Variants in CENPP observed in about 807,000 individuals in gnomAD.
CENPP encodes the protein centromere protein P.
A neutral mutation model predicts 35.6 loss-of-function variants in CENPP; 24 were observed. That is an observed-to-expected ratio of 0.67 (90% CI 0.49 to 0.95). CENPP has a LOEUF of 0.95. Among genes scored for constraint, CENPP ranks in the 40% least tolerant of loss-of-function variants. CENPP has a pLI of 0.00. For synonymous variants in CENPP, 120 were observed against 125.5 expected (o/e 0.96, Z 0.29); for missense variants, 332 against 345.3 (o/e 0.96, Z 0.31).
At chr9:92,569,074 A>G (rs1472873252) in intron 5 of CENPP, among the ~76,000 whole-genome samples, 1 of 152,022 alleles carries the variant, frequency 6.6e-6, no homozygotes, top group Admixed American at 6.6e-5. Context: ...GTGCAGAAGC[A>G]CTTTAGTTTA....
chr9:92,369,262 T>C (rs1354643696), intron 4 of CENPP, among the ~76,000 whole-genome samples: 1 of 152,006 alleles, frequency 6.6e-6, no homozygotes, highest in Non-Finnish European at 1.5e-5. Flanking sequence ...GAGCTTTTAT[T>C]GTGGTCTCCG....
intron 5 of CENPP, chr9:92,600,311 C>G (rs916407121): frequency 5.4e-6 from 8 of 1,489,222 alleles, no homozygotes; most frequent in Non-Finnish European, 7.1e-6. Context: ...ATTATTCATG[C>G]TTGCATTTGC....
chr9:92,439,669 ATTTTATGGGATATCGCT>A (rs1209405787), intron 5 of CENPP, among the ~76,000 whole-genome samples: 1 of 152,082 alleles, frequency 6.6e-6, no homozygotes, highest in Non-Finnish European at 1.5e-5. Context: ...TCTTCCTATT[ATTTTATGGGATATCGCT>A]TTATATCTAG....
chr9:92,451,176 C>G (rs1844698017), intron 5 of CENPP, among the ~76,000 whole-genome samples: 1 of 148,760 alleles, frequency 6.7e-6, no homozygotes, highest in Admixed American at 6.7e-5. Context: ...TTGCCCATGC[C>G]TATGTCCTGA....
chr9:92,490,909 C>T (rs931938568), intron 5 of CENPP, among the ~76,000 whole-genome samples: 1 of 152,104 alleles, frequency 6.6e-6, no homozygotes, highest in Non-Finnish European at 1.5e-5. Flanking sequence ...TTAAATTTTG[C>T]AGGTTCCTTT....
At chr9:92,515,944 T>C (rs1847676989) in intron 5 of CENPP, among the ~76,000 whole-genome samples, 2 of 152,182 alleles carry the variant, frequency 1.3e-5, no homozygotes, top group Non-Finnish European at 2.9e-5. Flanking sequence ...AGACAGTTAA[T>C]CTACATTTAT....
intron 5 of CENPP, among the ~76,000 whole-genome samples, chr9:92,391,350 T>C (rs1423128255): frequency 3.9e-5 from 6 of 151,902 alleles, no homozygotes; most frequent in African/African-American, 1.2e-4. Context: ...GAGCTAGCAG[T>C]GAGCCGAGAT....
At chr9:92,562,097 G>A (rs1849860368) in intron 5 of CENPP, among the ~76,000 whole-genome samples, 1 of 152,150 alleles carries the variant, frequency 6.6e-6, no homozygotes, top group African/African-American at 2.4e-5. Flanking sequence ...ACAGATCACC[G>A]TGAAGGAGTG....
At chr9:92,463,642 C>A (rs1337357818) in intron 5 of CENPP, among the ~76,000 whole-genome samples, 2 of 152,174 alleles carry the variant, frequency 1.3e-5, no homozygotes, top group African/African-American at 4.8e-5. Context: ...TCCTTGTCTT[C>A]ACTCTCCTTT....
At chr9:92,512,953 T>C (rs1332846167) in intron 5 of CENPP, among the ~76,000 whole-genome samples, 1 of 152,180 alleles carries the variant, frequency 6.6e-6, no homozygotes, top group East Asian at 1.9e-4. Context: ...TAGGTGATCA[T>C]ATGAAAGTAG....
chr9:92,553,230 G>A (rs1284902751), intron 5 of CENPP, among the ~76,000 whole-genome samples: 1 of 151,926 alleles, frequency 6.6e-6, no homozygotes, highest in Admixed American at 6.6e-5. Flanking sequence ...TAAGTATTTG[G>A]GTTTATTTCT....
At chr9:92,609,505 G>A (rs1228538112) in intron 5 of CENPP, among the ~76,000 whole-genome samples, 1 of 151,594 alleles carries the variant, frequency 6.6e-6, no homozygotes, top group East Asian at 1.9e-4. Flanking sequence ...CCTTCCCTAA[G>A]GCCTGGGGAG....
intron 5 of CENPP, among the ~76,000 whole-genome samples, chr9:92,408,061 C>T (rs1231521662): frequency 6.6e-6 from 1 of 152,204 alleles, no homozygotes; most frequent in Non-Finnish European, 1.5e-5. Flanking sequence ...CATATGACCT[C>T]CAAGTGGATT....
intron 5 of CENPP, among the ~76,000 whole-genome samples, chr9:92,492,701 T>G (rs1021630223): frequency 1.9e-4 from 29 of 152,254 alleles, no homozygotes; most frequent in African/African-American, 6.0e-4. Context: ...CTGCCACTCT[T>G]GGGTCCCCTA....
At chr9:92,562,169 AT>A (rs1849861374) in intron 5 of CENPP, among the ~76,000 whole-genome samples, 1 of 148,052 alleles carries the variant, frequency 6.8e-6, no homozygotes, top group Non-Finnish European at 1.5e-5. Context: ...CATAAGTCAC[AT>A]TTCCCTTCTG....
In CENPP at chr9:92,537,232, A is replaced by G. The variant is rs1849203329; in HGVS notation, c.565-74082A>G. ...AAATCATTTGGCAAAGAGGAGCTAA[A>G]TATTTGTTTAAATGACGTGGTTAGA... On this transcript the variant is annotated intron_variant, in intron 5 of 7. Coordinates refer to ENST00000375587, the MANE Select transcript of CENPP (RefSeq NM_001012267.3). Among the ~76,000 whole-genome samples, 4 of 152,248 alleles carry G rather than the reference A, an allele frequency of 2.6e-5. No individual in the cohort carries two copies. In the Middle Eastern group the frequency reaches 0.01, roughly 388 times the overall value.
At chr9:92,466,386 G>A (rs763128075) in intron 5 of CENPP, 1 of 1,608,098 alleles carries the variant, frequency 6.2e-7, no homozygotes, top group Non-Finnish European at 8.5e-7. Flanking sequence ...TCATTCCTTT[G>A]AATGTGTCCT....
intron 5 of CENPP, among the ~76,000 whole-genome samples, chr9:92,420,757 G>GT (rs566441127): frequency 0.022 from 3,205 of 145,176 alleles, 46 homozygotes; most frequent in Non-Finnish European, 0.028. Context: ...TTTTGTTTTT[G>GT]TTTTTTTTTT....
intron 5 of CENPP, among the ~76,000 whole-genome samples, chr9:92,525,064 C>T (rs1317807443): frequency 1.3e-5 from 2 of 152,140 alleles, no homozygotes; most frequent in Admixed American, 6.5e-5. Flanking sequence ...GTAATCCCAG[C>T]CCTATAGGAG....
Sources: gnomAD v4.1 joint callset for allele counts (sites outside exome capture counted in the v4.1 genomes callset) on GRCh38, gnomAD v4.1.1 for gene constraint, MANE v1.5 for transcripts, NCBI Gene and HGNC (gene_info 2026-07-23, HGNC 2026-07-21) for gene names.